DACH2: variants seen among roughly 807,000 people sequenced by gnomAD.
The protein encoded by DACH2 is dachshund homolog 2.
In DACH2, 17 loss-of-function variants were observed where a neutral mutation model predicts 35.8. The observed-to-expected ratio is 0.48, with a 90% CI of 0.33 to 0.71. The LOEUF (loss-of-function observed/expected upper bound fraction) is 0.71. Among genes scored for constraint, DACH2 ranks in the 30% least tolerant of loss-of-function variants. The pLI is 0.02. For missense variants in DACH2, 469 were observed against 472.7 expected, an observed-to-expected ratio of 0.99 and a Z score of 0.07; for synonymous variants, 195 against 177.3, an observed-to-expected ratio of 1.10 and a Z score of -0.79.
At chrX:86,459,589 A>G (rs186664026) in intron 2 of DACH2, among the ~76,000 whole-genome samples, 75 of 111,714 alleles carry the variant, frequency 6.7e-4, no homozygotes, top group Non-Finnish European at 2.1e-4. Context: ...AAAGGTAATT[A>G]GAATTTTCTT....
chrX:86,417,089 C>CAAAAAAAA (rs386417185), intron 2 of DACH2, among the ~76,000 whole-genome samples: 4 of 23,035 alleles, frequency 1.7e-4, no homozygotes, highest in African/African-American at 4.0e-4. Context: ...GACTCCATCT[C>CAAAAAAAA]AAAAAAAAAA....
At chrX:86,254,435 T>C (rs2033461648) in intron 1 of DACH2, among the ~76,000 whole-genome samples, 1 of 110,559 alleles carries the variant, frequency 9.0e-6, no homozygotes, top group Non-Finnish European at 1.9e-5. Context: ...TTTTTTTGTA[T>C]GCCCTTAAGT....
At chrX:86,674,097 A>G (rs1014709365) in intron 4 of DACH2, among the ~76,000 whole-genome samples, 1 of 112,351 alleles carries the variant, frequency 8.9e-6, no homozygotes, top group African/African-American at 3.2e-5. Flanking sequence ...TCTGTTCCCT[A>G]CATAATTCCC....
chrX:86,440,507 T>A (rs2037142636), intron 2 of DACH2, among the ~76,000 whole-genome samples: 1 of 111,819 alleles, frequency 8.9e-6, no homozygotes, highest in Non-Finnish European at 1.9e-5. Flanking sequence ...TACATATTTA[T>A]ATTTAAAATG....
intron 1 of DACH2, among the ~76,000 whole-genome samples, chrX:86,356,389 A>G (rs1366595394): frequency 9.6e-6 from 1 of 104,297 alleles, no homozygotes; most frequent in Non-Finnish European, 1.9e-5. Context: ...CTATTGGTCT[A>G]TGTGTCTGTT....
chrX:86,261,600 C>T (rs895849465), intron 1 of DACH2, among the ~76,000 whole-genome samples: 1 of 111,145 alleles, frequency 9.0e-6, no homozygotes, highest in African/African-American at 3.3e-5. Context: ...TTAAAACTGC[C>T]AAAAATGATT....
chrX:86,236,747 G>A (rs1445322339), intron 1 of DACH2, among the ~76,000 whole-genome samples: 1 of 111,969 alleles, frequency 8.9e-6, no homozygotes, highest in East Asian at 2.8e-4. Flanking sequence ...AACAATATGT[G>A]GACTGCAGGT....
At chrX:86,744,015 G>T (rs1539559) in intron 7 of DACH2, among the ~76,000 whole-genome samples, 52,812 of 110,036 alleles carry the variant, frequency 0.48, 9,292 homozygotes, top group Middle Eastern at 0.64. Flanking sequence ...AATCAGAGCT[G>T]CAAACCCCAT....
chrX:86,699,156 G>A (rs1216925007), intron 5 of DACH2, among the ~76,000 whole-genome samples: 2 of 111,737 alleles, frequency 1.8e-5, no homozygotes, highest in Non-Finnish European at 3.8e-5. Context: ...ACTAGACAGA[G>A]CATCAAAGCA....
intron 3 of DACH2, among the ~76,000 whole-genome samples, chrX:86,626,720 T>C (rs2040142557): frequency 8.9e-6 from 1 of 112,989 alleles, no homozygotes; most frequent in South Asian, 3.6e-4. Flanking sequence ...CACAAAGGCT[T>C]GGGGCTTGCA....
chrX:86,462,612 T>A (rs192649995), intron 2 of DACH2, among the ~76,000 whole-genome samples: 2 of 111,721 alleles, frequency 1.8e-5, no homozygotes, highest in East Asian at 5.6e-4. Context: ...CTGTTTTCTA[T>A]CACAATGATT....
At chrX:86,706,054 G>A (rs1246548494) in intron 5 of DACH2, among the ~76,000 whole-genome samples, 1 of 111,256 alleles carries the variant, frequency 9.0e-6, no homozygotes. Flanking sequence ...TGTATGAAAA[G>A]AAATACAGAG....
At chrX:86,402,487 C>A in intron 2 of DACH2, among the ~76,000 whole-genome samples, 1 of 111,094 alleles carries the variant, frequency 9.0e-6, no homozygotes, top group Non-Finnish European at 1.9e-5. Context: ...GGTGTAATAT[C>A]TCTACAAGGA....
At chrX:86,281,705 C>T (rs2147984681) in intron 1 of DACH2, among the ~76,000 whole-genome samples, 1 of 111,896 alleles carries the variant, frequency 8.9e-6, no homozygotes, top group Non-Finnish European at 1.9e-5. Flanking sequence ...GAGAGGAAGT[C>T]AAATTGGCTC....
At chrX:86,772,779 G>A (rs1262006976) in intron 7 of DACH2, among the ~76,000 whole-genome samples, 1 of 111,470 alleles carries the variant, frequency 9.0e-6, no homozygotes, top group Non-Finnish European at 1.9e-5. Context: ...GACACACAGT[G>A]TGAAATGAAA....
At chrX:86,239,405 G>A (rs1357122889) in intron 1 of DACH2, among the ~76,000 whole-genome samples, 1 of 111,622 alleles carries the variant, frequency 9.0e-6, no homozygotes, top group Non-Finnish European at 1.9e-5. Flanking sequence ...TAACATTTAT[G>A]TATTTGTTTG....
intron 1 of DACH2, among the ~76,000 whole-genome samples, chrX:86,303,163 G>A (rs1426643100): frequency 1.9e-5 from 2 of 105,365 alleles, no homozygotes; most frequent in African/African-American, 6.9e-5. Flanking sequence ...TACATAAAGA[G>A]CACTGCACCA....
intron 7 of DACH2, among the ~76,000 whole-genome samples, chrX:86,761,251 G>T (rs2041878836): frequency 9.1e-6 from 1 of 110,233 alleles, no homozygotes; most frequent in Non-Finnish European, 1.9e-5. Context: ...GTGTCCATGT[G>T]TTCTCATTGT....
chrX:86,449,582 A>T (rs1476570167), intron 2 of DACH2, among the ~76,000 whole-genome samples: 1 of 110,224 alleles, frequency 9.1e-6, no homozygotes, highest in East Asian at 2.8e-4. Context: ...TTCATCTCTT[A>T]TTGTCTTTCT....
Sources: gnomAD v4.1 joint callset for allele counts (sites outside exome capture counted in the v4.1 genomes callset) on GRCh38, gnomAD v4.1.1 for gene constraint, MANE v1.5 for transcripts, NCBI Gene and HGNC (gene_info 2026-07-23, HGNC 2026-07-21) for gene names.